The following CDK5RAP2 variants were observed in gnomAD, a reference collection of about 807,000 sequenced individuals.
CDK5RAP2 encodes CDK5 regulatory subunit-associated protein 2.
Under a neutral mutation model 232.9 loss-of-function variants are expected in CDK5RAP2, and 147 were observed. The observed-to-expected ratio is 0.63, with a 90% CI of 0.55 to 0.72. The LOEUF (loss-of-function observed/expected upper bound fraction) is 0.72. CDK5RAP2 is among the 30% of genes least tolerant of loss of function. CDK5RAP2 has a pLI of 0.00. For synonymous variants in CDK5RAP2, 833 were observed against 833.7 expected (o/e 1.00, Z 0.01); for missense variants, 2,195 against 2,231.5 (o/e 0.98, Z 0.33).
chr9:120,562,142 C>G (rs930071526), intron 3 of CDK5RAP2, among the ~76,000 whole-genome samples: 2 of 152,212 alleles, frequency 1.3e-5, no homozygotes, highest in African/African-American at 2.4e-5. Flanking sequence ...ACACCTTCAT[C>G]AACAGAGCTT....
chr9:120,438,366 G>A (rs546405815), intron 24 of CDK5RAP2, among the ~76,000 whole-genome samples: 17 of 152,208 alleles, frequency 1.1e-4, no homozygotes, highest in Non-Finnish European at 1.9e-4. Flanking sequence ...CACTACATGG[G>A]CTGGCAGTCA....
chr9:120,578,874 C>T (rs2043138823), intron 1 of CDK5RAP2, among the ~76,000 whole-genome samples: 1 of 152,140 alleles, frequency 6.6e-6, no homozygotes. Context: ...GCTCTTTTCA[C>T]TCTTAAGTGT....
intron 12 of CDK5RAP2, among the ~76,000 whole-genome samples, chr9:120,511,369 A>G (rs2040074764): frequency 6.6e-6 from 1 of 152,186 alleles, no homozygotes; most frequent in Admixed American, 6.5e-5. Flanking sequence ...CTGATTTTGT[A>G]GTTCTTGTCC....
At chr9:120,542,173 A>G (rs1370188575) in intron 5 of CDK5RAP2, among the ~76,000 whole-genome samples, 3 of 152,210 alleles carry the variant, frequency 2.0e-5, no homozygotes, top group African/African-American at 7.2e-5. Context: ...AGTATCCACC[A>G]CAGACATACT....
chr9:120,532,182 A>C (rs1358468727), intron 7 of CDK5RAP2, among the ~76,000 whole-genome samples: 46 of 152,128 alleles, frequency 3.0e-4, no homozygotes, highest in Non-Finnish European at 1.3e-4. Flanking sequence ...TTTTAAACAG[A>C]AGGTGGAAAT....
intron 23 of CDK5RAP2, among the ~76,000 whole-genome samples, chr9:120,442,031 T>C (rs1444376559): frequency 1.3e-5 from 2 of 152,224 alleles, no homozygotes; most frequent in South Asian, 2.1e-4. Flanking sequence ...TTTGCTGTAA[T>C]AACCTCATGA....
intron 18 of CDK5RAP2, among the ~76,000 whole-genome samples, chr9:120,465,401 G>A (rs954074511): frequency 1.3e-5 from 2 of 152,088 alleles, no homozygotes; most frequent in African/African-American, 4.8e-5. Context: ...AATGTACACA[G>A]CAACAACAGG....
At chr9:120,450,906 T>TA (rs1275633637) in intron 21 of CDK5RAP2, among the ~76,000 whole-genome samples, 3 of 152,186 alleles carry the variant, frequency 2.0e-5, no homozygotes, top group Admixed American at 2.0e-4. Context: ...AAATTCCAGG[T>TA]AAGAGGAGAG....
chr9:120,406,242 A>C (rs2033427793), intron 32 of CDK5RAP2: 1 of 152,236 alleles, frequency 6.6e-6, no homozygotes, highest in Non-Finnish European at 1.5e-5. Flanking sequence ...CACTGGATAC[A>C]CACATTTACC....
At chr9:120,420,038 C>T (rs377597841) in intron 26 of CDK5RAP2, 78 bp from the exon 27 acceptor site, 9 of 1,165,718 alleles carry the variant, frequency 7.7e-6, no homozygotes, top group African/African-American at 6.1e-5. Flanking sequence ...CGAATACTTA[C>T]GATTACTTTA....
chr9:120,485,497 A>G (rs1226289131), intron 14 of CDK5RAP2, among the ~76,000 whole-genome samples: 1 of 151,994 alleles, frequency 6.6e-6, no homozygotes, highest in African/African-American at 2.4e-5. Flanking sequence ...GTTTCACCAT[A>G]TTGGCCAGGG....
intron 32 of CDK5RAP2, chr9:120,406,043 C>T (rs2131291290): frequency 6.6e-6 from 1 of 152,276 alleles, no homozygotes; most frequent in East Asian, 1.9e-4. Context: ...CATATTATTA[C>T]ATCATCTTTT....
At chr9:120,478,458 T>C (rs955877960) in intron 14 of CDK5RAP2, among the ~76,000 whole-genome samples, 1 of 152,114 alleles carries the variant, frequency 6.6e-6, no homozygotes, top group South Asian at 2.1e-4. Flanking sequence ...AGATGTAATA[T>C]ACAGCATGAT....
At chr9:120,504,736 A>C (rs541018174) in intron 12 of CDK5RAP2, among the ~76,000 whole-genome samples, 1 of 152,354 alleles carries the variant, frequency 6.6e-6, no homozygotes, top group Admixed American at 6.5e-5. Flanking sequence ...CTTACGTTTC[A>C]GCTTTATCTG....
chr9:120,516,438 G>A (rs1308792784), intron 12 of CDK5RAP2, among the ~76,000 whole-genome samples: 1 of 151,930 alleles, frequency 6.6e-6, no homozygotes, highest in Non-Finnish European at 1.5e-5. Flanking sequence ...AATGGGTACA[G>A]TACACCAACA....
rs1298525734 is a variant in CDK5RAP2, at chr9:120,528,735, T to A, written c.879+9A>T. The A allele has an allele frequency of 1.3e-6, 2 of 1,564,194 alleles. No homozygotes were observed. The highest frequency in any genetic ancestry group is 1.8e-6 in the Non-Finnish European group (2 of 1,134,182). Reference sequence around the variant, plus strand: ...CTTCAATACATTTTTTAAAATTGTATCAACATACCTGGATCCTCTCTTCAA... The same window carrying A: ...CTTCAATACATTTTTTAAAATTGTAACAACATACCTGGATCCTCTCTTCAA... On this transcript the variant is annotated intron_variant, in intron 9 of 37. Coordinates refer to ENST00000349780, the MANE Select transcript of CDK5RAP2 (RefSeq NM_018249.6).
intron 35 of CDK5RAP2, 90 bp from the exon 36 acceptor site, chr9:120,394,728 C>T (rs2131214581): frequency 2.9e-6 from 3 of 1,051,810 alleles, no homozygotes; most frequent in East Asian, 4.9e-5. Flanking sequence ...AAAGATGATG[C>T]TCAACCTCAC....
At chr9:120,514,114 A>T (rs968246984) in intron 12 of CDK5RAP2, among the ~76,000 whole-genome samples, 1 of 152,212 alleles carries the variant, frequency 6.6e-6, no homozygotes, top group Non-Finnish European at 1.5e-5. Flanking sequence ...CTGTGATGCA[A>T]CATCTGTGCA....
At position 120,528,797 on chromosome 9, in the gene CDK5RAP2, C is replaced by T. The variant is rs1564343094; in HGVS notation, c.826G>A (p.Ala276Thr). The change falls in exon 9 of 38, where the codon GCT becomes ACT. Residue 276 changes from alanine (A) to threonine (T), a missense_variant and splice_region_variant. Transcript: ENST00000349780. ...TCCTTCTGATGCTCCATTTGTGCAG[C>T]CTAAGAAAAGGCATTAATTGGTGTG... ...PREEKERETEAAQMEHQKERN... is the reference protein window; with the variant it reads ...PREEKERETETAQMEHQKERN... 1.2e-6 allele frequency: 2 copies of T among 1,609,056 alleles called. No homozygotes were observed. The highest frequency in any genetic ancestry group is 2.7e-5 in the African/African-American group (2 of 74,798).
Sources: gnomAD v4.1 joint callset for allele counts (sites outside exome capture counted in the v4.1 genomes callset) on GRCh38, gnomAD v4.1.1 for gene constraint, MANE v1.5 for transcripts, NCBI Gene and HGNC (gene_info 2026-07-23, HGNC 2026-07-21) for gene names.